The following FRMD3 variants were observed in gnomAD, a reference collection of about 807,000 sequenced individuals.
The protein encoded by FRMD3 is FERM domain-containing protein 3.
A neutral mutation model predicts 70.2 loss-of-function variants in FRMD3; 33 were observed. The ratio of observed to expected loss-of-function variants is 0.47; its 90% CI spans 0.36 to 0.63. The LOEUF is 0.63. Ranked by LOEUF, FRMD3 falls within the 20% of genes least tolerant of loss-of-function variation. The pLI, the probability that FRMD3 is intolerant of heterozygous loss-of-function variation, is 0.00. For missense variants in FRMD3, 632 were observed against 711.4 expected, an observed-to-expected ratio of 0.89 and a Z score of 1.27; for synonymous variants, 279 against 255.9, an observed-to-expected ratio of 1.09 and a Z score of -0.86.
At chr9:83,566,809 G>A in the FRMD3 span, among the ~76,000 whole-genome samples, 21 of 152,094 alleles carry the variant, frequency 1.4e-4, no homozygotes, top group African/African-American at 4.8e-4. Context: ...GGGCAGCTCC[G>A]CCCCTGTGGC....
Position 83,483,601 on chromosome 9 carries a change from A to T in FRMD3, c.147+54484T>A, listed in dbSNP as rs374990609. On this transcript the variant is annotated intron_variant, in intron 1 of 13. Transcript: ENST00000304195. ...AACTTGTGGCACCATGGACAGTGAG[A>T]GGATATGGCACTTTGAGAGACCAAG... Among the ~76,000 whole-genome samples, 11 of 152,228 alleles carry T rather than the reference A, an allele frequency of 7.2e-5. No individual in the cohort carries two copies. The East Asian group carries it at 9.6e-4, about 13-fold the overall frequency.
intron 1 of FRMD3, among the ~76,000 whole-genome samples, chr9:83,486,830 G>GCA (rs373566766): frequency 3.3e-5 from 5 of 151,708 alleles, no homozygotes; most frequent in Admixed American, 6.6e-5. Flanking sequence ...ATTCAAATGT[G>GCA]CACACACACA....
At chr9:83,553,395 G>T in the FRMD3 span, among the ~76,000 whole-genome samples, 2 of 152,104 alleles carry the variant, frequency 1.3e-5, no homozygotes, top group Admixed American at 6.5e-5. Context: ...CTCTCTAGCT[G>T]CCTTTAACAT....
At chr9:83,318,479 A>ATG (rs1491028913) in intron 6 of FRMD3, among the ~76,000 whole-genome samples, 3 of 144,256 alleles carry the variant, frequency 2.1e-5, no homozygotes, top group Admixed American at 7.0e-5. Flanking sequence ...ATTATATATA[A>ATG]TATGTGTGTG....
intron 1 of FRMD3, among the ~76,000 whole-genome samples, chr9:83,431,685 G>C (rs958421441): frequency 2.0e-5 from 3 of 152,086 alleles, no homozygotes; most frequent in African/African-American, 7.2e-5. Flanking sequence ...TCCTTCTCTT[G>C]TCTCTGATTT....
At chr9:83,489,478 T>C (rs1828766321) in intron 1 of FRMD3, among the ~76,000 whole-genome samples, 1 of 152,046 alleles carries the variant, frequency 6.6e-6, no homozygotes, top group African/African-American at 2.4e-5. Context: ...AAACACAACA[T>C]AGAAGCAACC....
At chr9:83,326,869 G>A (rs1383914302) in intron 6 of FRMD3, among the ~76,000 whole-genome samples, 3 of 152,178 alleles carry the variant, frequency 2.0e-5, no homozygotes, top group African/African-American at 7.2e-5. Flanking sequence ...TATTAGATGA[G>A]GTCAAGTAAT....
chr9:83,300,499 T>A (rs1311014882), intron 10 of FRMD3, among the ~76,000 whole-genome samples: 4 of 152,190 alleles, frequency 2.6e-5, no homozygotes, highest in African/African-American at 4.8e-5. Flanking sequence ...AAGCTATGCA[T>A]ATGCAAAGGC....
At chr9:83,385,941 G>A (rs1335407323) in intron 2 of FRMD3, among the ~76,000 whole-genome samples, 1 of 152,074 alleles carries the variant, frequency 6.6e-6, no homozygotes, top group African/African-American at 2.4e-5. Context: ...CTAATCATGA[G>A]TGTGTTTCCT....
In FRMD3 at chr9:83,250,370, G is replaced by A. The variant is rs1422732158; in HGVS notation, c.1196-1854C>T. Among the ~76,000 whole-genome samples the A allele has an allele frequency of 3.9e-5, 6 of 152,132 alleles. No individual in the cohort carries two copies. In the East Asian group the frequency reaches 9.7e-4, roughly 25 times the overall value. On this transcript the variant is annotated intron_variant, in intron 13 of 13. Coordinates refer to ENST00000304195, the MANE Select transcript of FRMD3 (RefSeq NM_174938.6). ...CACAGAGCTGTGTGGAGTCTCGGCA[G>A]AGCAGCCACTCAGGCACACACAGAG...
intron 1 of FRMD3, chr9:83,467,497 C>A: frequency 1.3e-6 from 1 of 748,364 alleles, no homozygotes. Context: ...CCGAATTTCA[C>A]ATCCCCTTCT....
intron 13 of FRMD3, among the ~76,000 whole-genome samples, chr9:83,288,477 G>A (rs1289895384): frequency 1.3e-5 from 2 of 152,126 alleles, no homozygotes; most frequent in African/African-American, 4.8e-5. Flanking sequence ...CATGAAAGTT[G>A]TCATGACTTG....
At chr9:83,254,917 C>T (rs1334833647) in intron 13 of FRMD3, among the ~76,000 whole-genome samples, 1 of 151,792 alleles carries the variant, frequency 6.6e-6, no homozygotes, top group East Asian at 1.9e-4. Flanking sequence ...CAGGACAAGA[C>T]AGATTCAGAA....
chr9:83,421,932 T>G (rs1161355167), intron 1 of FRMD3, among the ~76,000 whole-genome samples: 3 of 152,006 alleles, frequency 2.0e-5, no homozygotes, highest in African/African-American at 7.2e-5. Context: ...ACTGCTGCAA[T>G]TTTAGGGGCC....
At chr9:83,421,134 G>A (rs978407416) in intron 1 of FRMD3, among the ~76,000 whole-genome samples, 2 of 151,034 alleles carry the variant, frequency 1.3e-5, no homozygotes, top group African/African-American at 4.9e-5. Context: ...TAGAGGCGGG[G>A]TTTCACTGTG....
chr9:83,337,667 C>T (rs1357337739), intron 5 of FRMD3, among the ~76,000 whole-genome samples: 1 of 152,126 alleles, frequency 6.6e-6, no homozygotes, highest in Admixed American at 6.6e-5. Flanking sequence ...AATTAGTATG[C>T]CTTGAGTGCA....
At chr9:83,417,651 A>C (rs3860917) in intron 1 of FRMD3, among the ~76,000 whole-genome samples, 87,287 of 152,108 alleles carry the variant, frequency 0.57, 26,236 homozygotes, top group African/African-American at 0.77. Flanking sequence ...TCCAGGAAGA[A>C]ATTTAGAATG....
At chr9:83,343,565 C>CA (rs1419262349) in intron 4 of FRMD3, among the ~76,000 whole-genome samples, 2 of 152,152 alleles carry the variant, frequency 1.3e-5, no homozygotes, top group Admixed American at 1.3e-4. Context: ...AGGAAAGCCA[C>CA]AGGACCCAGT....
intron 3 of FRMD3, among the ~76,000 whole-genome samples, chr9:83,361,236 T>TA (rs1031396177): frequency 4.6e-5 from 7 of 152,142 alleles, no homozygotes; most frequent in East Asian, 1.9e-4. Context: ...CTTTTTTTTG[T>TA]AAAAAAATAG....
Sources: gnomAD v4.1 joint callset for allele counts (sites outside exome capture counted in the v4.1 genomes callset) on GRCh38, gnomAD v4.1.1 for gene constraint, MANE v1.5 for transcripts, NCBI Gene and HGNC (gene_info 2026-07-23, HGNC 2026-07-21) for gene names.